Variants in CELF5 observed in about 807,000 individuals in gnomAD.
CELF5 encodes CUGBP Elav-like family member 5, also known as CUG-BP and ETR-3 like factor 5.
CELF5 carries 6 observed loss-of-function variants against 54.9 expected under a neutral mutation model. The observed-to-expected ratio is 0.11, with a 90% CI of 0.06 to 0.22. CELF5 has a LOEUF of 0.22. Ranked by LOEUF, CELF5 falls within the 10% of genes least tolerant of loss-of-function variation. The probability of loss-of-function intolerance (pLI) is 1.00; values close to 1 mark genes in which losing one functional copy is unlikely to be tolerated. For synonymous variants in CELF5, 271 were observed against 290.9 expected, an observed-to-expected ratio of 0.93 and a Z score of 0.70; for missense variants, 401 against 678.6, an observed-to-expected ratio of 0.59 and a Z score of 4.54.
chr19:3,277,752 T>G (rs542487590), intron 4 of CELF5, among the ~76,000 whole-genome samples: 2 of 152,270 alleles, frequency 1.3e-5, no homozygotes, highest in African/African-American at 4.8e-5. Context: ...TGTGTGGCTG[T>G]CTGTCTGCAT....
intron 11 of CELF5, 99 bp downstream of exon 11, chr19:3,290,473 C>A: frequency 7.6e-7 from 1 of 1,321,440 alleles, no homozygotes. Flanking sequence ...CAGGGCTGTG[C>A]TGAAATAATC....
chr19:3,290,896 C>T (rs1036277873), intron 11 of CELF5, among the ~76,000 whole-genome samples: 4 of 151,308 alleles, frequency 2.6e-5, no homozygotes, highest in Middle Eastern at 3.4e-3. Context: ...CTGAGGTGGG[C>T]GGATTGCTTG....
chr19:3,234,568 C>G (rs1405929245), intron 1 of CELF5, among the ~76,000 whole-genome samples: 8 of 152,094 alleles, frequency 5.3e-5, no homozygotes. Context: ...GATCCGGCCC[C>G]AAGCATCCAC....
chr19:3,259,592 C>T (rs1380868707), intron 2 of CELF5, among the ~76,000 whole-genome samples: 1 of 152,144 alleles, frequency 6.6e-6, no homozygotes, highest in Admixed American at 6.5e-5. Context: ...GTCTCCCTCC[C>T]CACTCAGGGT....
At chr19:3,272,220 T>G (rs1049153517) in intron 2 of CELF5, among the ~76,000 whole-genome samples, 8 of 151,594 alleles carry the variant, frequency 5.3e-5, no homozygotes, top group African/African-American at 1.7e-4. Context: ...ACAAAAAAAA[T>G]TAGCTGGGCG....
Position 3,273,897 on chromosome 19 carries a change from C to G in CELF5, c.368C>G (p.Pro123Arg). The G allele has an allele frequency of 6.2e-7, 1 of 1,613,800 alleles. No individual in the cohort carries two copies. Among genetic ancestry groups the G allele is most frequent in the Non-Finnish European group, 8.5e-7 (1 of 1,179,710 alleles). ...PGMARPIQVK[P>R]ADSESRGGRD... The stretch of plus-strand genomic sequence containing the variant: ...ATGGCGCGGCCAATCCAGGTGAAGC[C>G]TGCGGACAGTGAAAGCCGCGGAGGT... The change falls in exon 3 of 13, where the codon CCT (proline) becomes CGT (arginine). Residue 123 changes from proline to arginine, a missense_variant. Transcript: ENST00000292672.
chr19:3,250,247 G>C (rs1599414593), intron 1 of CELF5, among the ~76,000 whole-genome samples: 1 of 152,204 alleles, frequency 6.6e-6, no homozygotes, highest in Non-Finnish European at 1.5e-5. Context: ...CCAGCACTTC[G>C]GGAGGCCGAG....
chr19:3,225,415 T>A, intron 1 of CELF5: 1 of 56,986 alleles, frequency 1.8e-5, no homozygotes, highest in Non-Finnish European at 2.4e-5. Flanking sequence ...CTCACCCCAC[T>A]CTTTCCTGCC....
At chr19:3,290,714 C>T (rs1422272820) in intron 11 of CELF5, among the ~76,000 whole-genome samples, 2 of 147,320 alleles carry the variant, frequency 1.4e-5, no homozygotes, top group Non-Finnish European at 1.5e-5. Flanking sequence ...CAGGCGCCCG[C>T]CACCACACCC....
At chr19:3,244,704 G>T (rs1400618588) in intron 1 of CELF5, among the ~76,000 whole-genome samples, 1 of 147,150 alleles carries the variant, frequency 6.8e-6, no homozygotes, top group Admixed American at 6.8e-5. Context: ...TGGTGTGTAT[G>T]CATCTGTGCA....
At chr19:3,267,836 C>T (rs1057096976) in intron 2 of CELF5, among the ~76,000 whole-genome samples, 2 of 152,088 alleles carry the variant, frequency 1.3e-5, no homozygotes, top group African/African-American at 2.4e-5. Flanking sequence ...TGGCAGGACC[C>T]CTACCTCCCC....
At chr19:3,229,076 G>A (rs1391612085) in intron 1 of CELF5, among the ~76,000 whole-genome samples, 1 of 151,442 alleles carries the variant, frequency 6.6e-6, no homozygotes, top group African/African-American at 2.4e-5. Flanking sequence ...CTGTGACATC[G>A]TTTCTGCACC....
chr19:3,294,719 C>CG (rs1296866425), intron 12 of CELF5: 1 of 151,932 alleles, frequency 6.6e-6, no homozygotes, highest in Non-Finnish European at 1.5e-5. Context: ...TGAACAGAAA[C>CG]GGGGGATGGA....
chr19:3,279,317 C>T (rs2080109820), intron 5 of CELF5, among the ~76,000 whole-genome samples: 1 of 152,010 alleles, frequency 6.6e-6, no homozygotes, highest in African/African-American at 2.4e-5. Context: ...TGGGGACTGC[C>T]CTTCCCCCGA....
At position 3,293,407 on chromosome 19, in the gene CELF5, C is replaced by T. The variant is rs2080383198; in HGVS notation, c.1419C>T (p.Val473=). ...GFQIGMKRLK[V]QLKRPKDPGH... ...AGATCGGCATGAAGAGGCTCAAAGT[C>T]CAGCTGAAGCGGCCCAAAGACCCGG... The change falls in exon 12 of 13, where the codon GTC becomes GTT. Residue 473 remains valine, a synonymous_variant. Transcript: ENST00000292672. 6.2e-7 allele frequency: 1 copy of T among 1,613,992 alleles called. No individual in the cohort carries two copies. Among genetic ancestry groups the T allele is most frequent in the Non-Finnish European group, 8.5e-7 (1 of 1,179,980 alleles).
chr19:3,282,001 A>T lies in CELF5; in HGVS notation c.751-125A>T, dbSNP rs1486433279. On this transcript the variant is annotated intron_variant, in intron 6 of 12. Transcript: ENST00000292672. This position sits in a 1 kb window ranked among gnomAD's most constrained non-coding sequence, Gnocchi z 5.2. ...GATCCCAGTCTGAGCTCCAATTCTGATCTCAGCCTGAGCCAAGATACCCAG... is the reference window on the plus strand; with the variant it reads ...GATCCCAGTCTGAGCTCCAATTCTGTTCTCAGCCTGAGCCAAGATACCCAG... 8.5e-6 allele frequency: 9 copies of T among 1,060,192 alleles called. No individual in the cohort carries two copies. The highest frequency in any genetic ancestry group is 2.8e-6 in the Non-Finnish European group (2 of 703,918). 65.7% of individuals were successfully genotyped at this position (1,060,192 alleles called of 1,614,324 possible). A position where few individuals can be genotyped will look rare whatever the true frequency, so the allele number is the denominator to read the frequency against.
intron 12 of CELF5, chr19:3,294,105 G>A (rs1452054086): frequency 1.3e-5 from 2 of 152,236 alleles, no homozygotes; most frequent in African/African-American, 2.4e-5. Context: ...AGTGGGATTC[G>A]TGCCCCACCC....
intron 12 of CELF5, chr19:3,296,457 G>GAAAAAAAAAAAAAAAAAAAAAAAA (rs2080453313): frequency 3.0e-5 from 2 of 66,994 alleles, no homozygotes; most frequent in African/African-American, 6.2e-5. Flanking sequence ...AAAAAAAAAA[G>GAAAAAAAAAAAAAAAAAAAAAAAA]AAAAGAAAAA....
Position 3,278,432 on chromosome 19 carries a change from TGA to T in CELF5, c.603+324_603+325del, listed in dbSNP as rs2080092483. Among the ~76,000 whole-genome samples the T allele has an allele frequency of 6.6e-6, 1 of 151,640 alleles. No individual in the cohort carries two copies. Among genetic ancestry groups the T allele is most frequent in the Non-Finnish European group, 1.5e-5 (1 of 67,934 alleles). ...CCGAGACTGCATGCATGTGTGTGTGTGAGTGCGTGTTTGAGTGTGTCATTACT... is the reference window on the plus strand; with the variant it reads ...CCGAGACTGCATGCATGTGTGTGTGTGTGCGTGTTTGAGTGTGTCATTACT... On this transcript the variant is annotated intron_variant, in intron 5 of 12. Transcript: ENST00000292672. The surrounding 1 kb of genome is among the most constrained non-coding windows in gnomAD (Gnocchi z 4.5).
Sources: gnomAD v4.1 joint callset for allele counts (sites outside exome capture counted in the v4.1 genomes callset) on GRCh38, gnomAD v4.1.1 for gene constraint, Gnocchi (gnomAD v3.1) non-coding constraint, MANE v1.5 for transcripts, NCBI Gene and HGNC (gene_info 2026-07-23, HGNC 2026-07-21) for gene names.